FHOD3: variants seen among roughly 807,000 people sequenced by gnomAD.
The protein encoded by FHOD3 is FH1/FH2 domain-containing protein 3.
Under a neutral mutation model 173.0 loss-of-function variants are expected in FHOD3, and 90 were observed. The ratio of observed to expected loss-of-function variants is 0.52; its 90% CI spans 0.44 to 0.62. The LOEUF (loss-of-function observed/expected upper bound fraction) is 0.62. FHOD3 is among the 20% of genes least tolerant of loss of function. The probability of loss-of-function intolerance (pLI) is 0.00; values close to 1 mark genes in which losing one functional copy is unlikely to be tolerated. For missense variants in FHOD3, 1,945 were observed against 2,034.7 expected (o/e 0.96, Z 0.85); for synonymous variants, 828 against 823.0 (o/e 1.01, Z -0.10).
At chr18:36,519,218 G>A (rs1307296315) in intron 5 of FHOD3, among the ~76,000 whole-genome samples, 2 of 152,136 alleles carry the variant, frequency 1.3e-5, no homozygotes, top group East Asian at 1.9e-4. Flanking sequence ...GACTTAAATT[G>A]GACAGTTCAT....
At chr18:36,621,026 G>A (rs2033660616) in intron 9 of FHOD3, among the ~76,000 whole-genome samples, 1 of 152,202 alleles carries the variant, frequency 6.6e-6, no homozygotes, top group East Asian at 1.9e-4. Flanking sequence ...GCTGGAAACA[G>A]GCCCAATTTC....
chr18:36,502,281 G>T (rs1349928106), intron 4 of FHOD3, among the ~76,000 whole-genome samples: 13 of 139,118 alleles, frequency 9.3e-5, no homozygotes, highest in African/African-American at 3.3e-4. Context: ...TAAGTTCTGG[G>T]ACACATGTGC....
At chr18:36,496,916 T>A (rs892956303) in intron 3 of FHOD3, among the ~76,000 whole-genome samples, 1 of 152,230 alleles carries the variant, frequency 6.6e-6, no homozygotes, top group African/African-American at 2.4e-5. Flanking sequence ...TCTGGTGCTT[T>A]ATACCATAGG....
chr18:36,770,137 C>T lies in FHOD3; in HGVS notation c.4786+711C>T, dbSNP rs190033118. 5.3e-4 allele frequency among the ~76,000 whole-genome samples: 81 copies of T among 152,310 alleles called. 1 individual carries two copies. Among genetic ancestry groups the T allele is most frequent in the African/African-American group, 1.9e-3 (78 of 41,578 alleles). On this transcript the variant is annotated intron_variant, in intron 28 of 28. Coordinates refer to ENST00000590592, the MANE Select transcript of FHOD3 (RefSeq NM_001281740.3). Reference sequence around the variant, plus strand: ...GGTTCCTGTAGATCCTTTGACATCTCCCTGCATGAGCTGTGGCCTTGAGTG... The same window carrying T: ...GGTTCCTGTAGATCCTTTGACATCTTCCTGCATGAGCTGTGGCCTTGAGTG...
At chr18:36,326,587 G>A (rs1960514618) in intron 1 of FHOD3, among the ~76,000 whole-genome samples, 1 of 151,884 alleles carries the variant, frequency 6.6e-6, no homozygotes, top group South Asian at 2.1e-4. Context: ...AGGCAACAGA[G>A]TGAGAGCCTG....
At chr18:36,348,585 T>C (rs572878334) in intron 1 of FHOD3, among the ~76,000 whole-genome samples, 2 of 152,264 alleles carry the variant, frequency 1.3e-5, no homozygotes, top group Non-Finnish European at 2.9e-5. Flanking sequence ...CTCTGGGGGT[T>C]TGGGACTTCG....
intron 20 of FHOD3, among the ~76,000 whole-genome samples, chr18:36,736,986 A>G (rs1361964818): frequency 6.6e-6 from 1 of 152,196 alleles, no homozygotes; most frequent in East Asian, 1.9e-4. Context: ...AGAAAAACAA[A>G]TTAAAAATAC....
chr18:36,364,627 C>T (rs767465719), intron 2 of FHOD3, among the ~76,000 whole-genome samples: 16 of 152,146 alleles, frequency 1.1e-4, no homozygotes, highest in Admixed American at 2.0e-4. Context: ...CAGTGACTTC[C>T]ATCTATAGTT....
rs375885971 is a variant in FHOD3 at position 36,331,051 on chromosome 18, AAATCTCTTTGT to A, written c.166-24484_166-24474del. On this transcript the variant is annotated intron_variant, in intron 1 of 28. Coordinates refer to ENST00000590592, the MANE Select transcript of FHOD3 (RefSeq NM_001281740.3). ...CCAGATCCCACCTGCTTCTGGGCGC[AAATCTCTTTGT>A]AATATTTTGCTTGTTCTGATTTCCT... 3.0e-3 allele frequency among the ~76,000 whole-genome samples: 454 copies of A among 152,308 alleles called. 5 individuals are homozygous for A. The highest frequency in any genetic ancestry group is 0.01 in the African/African-American group (434 of 41,564).
At chr18:36,675,166 C>G (rs1228423391) in intron 14 of FHOD3, among the ~76,000 whole-genome samples, 4 of 152,088 alleles carry the variant, frequency 2.6e-5, no homozygotes, top group Non-Finnish European at 4.4e-5. Context: ...ATGTCCCCAC[C>G]CTCCATGGCC....
intron 16 of FHOD3, among the ~76,000 whole-genome samples, chr18:36,692,263 A>G (rs866484657): frequency 1.3e-5 from 2 of 152,354 alleles, no homozygotes; most frequent in South Asian, 4.1e-4. Flanking sequence ...ACCATGTCTA[A>G]TGCCCATTGT....
At chr18:36,414,226 C>T (rs376252599) in intron 3 of FHOD3, among the ~76,000 whole-genome samples, 1 of 152,174 alleles carries the variant, frequency 6.6e-6, no homozygotes, top group African/African-American at 2.4e-5. Flanking sequence ...TGCATGGATG[C>T]GCCGTGACTT....
intron 20 of FHOD3, among the ~76,000 whole-genome samples, chr18:36,737,021 T>A (rs1387154285): frequency 5.9e-5 from 9 of 152,204 alleles, no homozygotes; most frequent in Non-Finnish European, 2.9e-5. Context: ...CACAGTATCA[T>A]CTGCTCACAA....
At chr18:36,377,802 C>A (rs1598893463) in intron 3 of FHOD3, among the ~76,000 whole-genome samples, 1 of 152,316 alleles carries the variant, frequency 6.6e-6, no homozygotes, top group East Asian at 1.9e-4. Context: ...ACACCCCCAT[C>A]CCATCCCCTG....
intron 3 of FHOD3, among the ~76,000 whole-genome samples, chr18:36,404,091 C>T (rs1471359766): frequency 6.6e-6 from 1 of 152,240 alleles, no homozygotes; most frequent in Admixed American, 6.5e-5. Flanking sequence ...CTCTTCCCTC[C>T]CGCAATCTGC....
At chr18:36,447,269 A>G (rs1407731167) in intron 3 of FHOD3, among the ~76,000 whole-genome samples, 2 of 152,070 alleles carry the variant, frequency 1.3e-5, no homozygotes, top group Non-Finnish European at 2.9e-5. Context: ...GAGGGACCAC[A>G]TTAACTCTGT....
chr18:36,367,962 C>T (rs2046979937), intron 2 of FHOD3, among the ~76,000 whole-genome samples: 1 of 152,078 alleles, frequency 6.6e-6, no homozygotes, highest in African/African-American at 2.4e-5. Context: ...TGCTGCTTTC[C>T]CTTTACCTTC....
At chr18:36,552,503 T>C (rs1307593406) in intron 5 of FHOD3, among the ~76,000 whole-genome samples, 5 of 103,164 alleles carry the variant, frequency 4.8e-5, no homozygotes, top group African/African-American at 1.1e-4. Flanking sequence ...TTTCTTTTTC[T>C]TTTTTTTTTT....
intron 3 of FHOD3, among the ~76,000 whole-genome samples, chr18:36,422,007 C>T (rs1372490054): frequency 6.6e-6 from 1 of 152,156 alleles, no homozygotes; most frequent in African/African-American, 2.4e-5. Flanking sequence ...AATTAAACTC[C>T]ATATTTAATT....
Sources: gnomAD v4.1 joint callset for allele counts (sites outside exome capture counted in the v4.1 genomes callset) on GRCh38, gnomAD v4.1.1 for gene constraint, MANE v1.5 for transcripts, NCBI Gene and HGNC (gene_info 2026-07-23, HGNC 2026-07-21) for gene names.